HS3ST3A1: variants seen among roughly 807,000 people sequenced by gnomAD.
HS3ST3A1 encodes the protein heparan sulfate glucosamine 3-O-sulfotransferase 3A1.
HS3ST3A1 carries 19 observed loss-of-function variants against 25.7 expected under a neutral mutation model. The observed-to-expected ratio is 0.74, with a 90% CI of 0.52 to 1.08. The LOEUF (loss-of-function observed/expected upper bound fraction) is 1.08. Ranked by LOEUF, HS3ST3A1 falls within the 50% of genes least tolerant of loss-of-function variation. The probability of loss-of-function intolerance (pLI) is 0.00; values close to 1 mark genes in which losing one functional copy is unlikely to be tolerated. For synonymous variants in HS3ST3A1, 226 were observed against 278.6 expected, an observed-to-expected ratio of 0.81 and a Z score of 1.88; for missense variants, 459 against 594.3, an observed-to-expected ratio of 0.77 and a Z score of 2.37.
At chr17:13,570,466 C>T (rs1360201119) in intron 1 of HS3ST3A1, among the ~76,000 whole-genome samples, 2 of 152,140 alleles carry the variant, frequency 1.3e-5, no homozygotes, top group Non-Finnish European at 2.9e-5. Context: ...TGCTAGCATT[C>T]TAAGGTTATT....
At chr17:13,577,971 C>A (rs1171204227) in intron 1 of HS3ST3A1, among the ~76,000 whole-genome samples, 2 of 152,018 alleles carry the variant, frequency 1.3e-5, no homozygotes, top group South Asian at 2.1e-4. Context: ...GTATTTGATA[C>A]AACTTTTCCA....
intron 1 of HS3ST3A1, among the ~76,000 whole-genome samples, chr17:13,556,638 G>A (rs1395938323): frequency 6.6e-6 from 1 of 151,988 alleles, no homozygotes; most frequent in East Asian, 1.9e-4. Flanking sequence ...CGGATCACGA[G>A]GTCAGGAGTT....
intron 1 of HS3ST3A1, among the ~76,000 whole-genome samples, chr17:13,498,444 A>G (rs1295989743): frequency 1.3e-5 from 2 of 152,226 alleles, no homozygotes; most frequent in South Asian, 2.1e-4. Context: ...CAGGTCATAC[A>G]GATCGGAACT....
At position 13,495,067 on chromosome 17, in the gene HS3ST3A1, G is replaced by A. The variant is rs1905230663; in HGVS notation, c.*1130C>T. The stretch of plus-strand genomic sequence containing the variant: ...AGTGAGATATTACAAAGAAAGGTAG[G>A]TTTTCTCTCTTTAAAAAGAGGTAAA... On this transcript the variant is annotated 3_prime_UTR_variant, in exon 2 of 2. Coordinates refer to ENST00000284110, the MANE Select transcript of HS3ST3A1 (RefSeq NM_006042.3). Among the ~76,000 whole-genome samples, 1 of 151,920 alleles carries A rather than the reference G, an allele frequency of 6.6e-6. No individual in the cohort carries two copies. The highest frequency in any genetic ancestry group is 2.4e-5 in the African/African-American group (1 of 41,342).
chr17:13,601,298 GA>G lies in HS3ST3A1; in HGVS notation c.-170del. On this transcript the variant is annotated 5_prime_UTR_variant, in exon 1 of 2. Coordinates refer to ENST00000284110, the MANE Select transcript of HS3ST3A1 (RefSeq NM_006042.3). ...GAGGCAGCGGCCGGGGCTCCGCGGG[GA>G]AACGGAATCCCGGGGGCCCCGCGCA... 1.9e-6 allele frequency: 1 copy of G among 532,242 alleles called. No homozygotes were observed. Among genetic ancestry groups the G allele is most frequent in the South Asian group, 3.0e-5 (1 of 33,886 alleles). The allele number at this position is 532,242 out of a possible 1,614,324, so 33.0% of individuals were successfully genotyped here. A position where few individuals can be genotyped will look rare whatever the true frequency, so the allele number is the denominator to read the frequency against.
intron 1 of HS3ST3A1, among the ~76,000 whole-genome samples, chr17:13,547,943 CCA>C (rs368408465): frequency 0.22 from 18,360 of 83,414 alleles, 1,019 homozygotes; most frequent in African/African-American, 0.28. Context: ...TTGGTGTGAG[CCA>C]AAAAAAAAAA....
At chr17:13,549,422 A>T (rs1268045599) in intron 1 of HS3ST3A1, among the ~76,000 whole-genome samples, 2 of 152,238 alleles carry the variant, frequency 1.3e-5, no homozygotes, top group Non-Finnish European at 2.9e-5. Context: ...TAAATTCGGG[A>T]CACAATGTCA....
chr17:13,545,517 T>C lies in HS3ST3A1; in HGVS notation c.600-48699A>G, dbSNP rs142531795. On this transcript the variant is annotated intron_variant, in intron 1 of 1. Transcript: ENST00000284110. ...TCTCTCTGCATGGAAGAGGTTTGTG[T>C]ATCTTTTGTTACACTCCACTGGGCC... 2.3e-3 allele frequency among the ~76,000 whole-genome samples: 354 copies of C among 152,322 alleles called. 6 individuals carry two copies. The highest frequency in any genetic ancestry group is 8.2e-3 in the African/African-American group (341 of 41,578).
At chr17:13,501,424 T>C (rs888874425) in intron 1 of HS3ST3A1, among the ~76,000 whole-genome samples, 1 of 152,166 alleles carries the variant, frequency 6.6e-6, no homozygotes, top group African/African-American at 2.4e-5. Context: ...TTCAGTGGCA[T>C]TGATAGAAAT....
intron 1 of HS3ST3A1, among the ~76,000 whole-genome samples, chr17:13,497,972 C>T (rs1170557162): frequency 6.6e-6 from 1 of 152,116 alleles, no homozygotes. Context: ...TTTGTCCCAC[C>T]TACACTATCT....
intron 1 of HS3ST3A1, among the ~76,000 whole-genome samples, chr17:13,530,472 A>G (rs1906571455): frequency 6.6e-6 from 1 of 152,216 alleles, no homozygotes; most frequent in South Asian, 2.1e-4. Context: ...CAAGTTAGCC[A>G]GATGATAAGG....
intron 1 of HS3ST3A1, among the ~76,000 whole-genome samples, chr17:13,521,559 T>A (rs1463483189): frequency 6.6e-6 from 1 of 152,178 alleles, no homozygotes; most frequent in Non-Finnish European, 1.5e-5. Flanking sequence ...CATGGACACT[T>A]AGAGAGGCAT....
At chr17:13,594,414 G>C (rs1908519848) in intron 1 of HS3ST3A1, among the ~76,000 whole-genome samples, 1 of 152,184 alleles carries the variant, frequency 6.6e-6, no homozygotes, top group African/African-American at 2.4e-5. Flanking sequence ...CCCGTGTGTG[G>C]TGGACAGGAT....
At chr17:13,510,723 T>A (rs1598409440) in intron 1 of HS3ST3A1, among the ~76,000 whole-genome samples, 1 of 147,390 alleles carries the variant, frequency 6.8e-6, no homozygotes, top group Non-Finnish European at 1.5e-5. Context: ...TTTTTTTTTT[T>A]ATACGAAGTC....
At chr17:13,501,746 C>G (rs958679785) in intron 1 of HS3ST3A1, among the ~76,000 whole-genome samples, 1 of 152,212 alleles carries the variant, frequency 6.6e-6, no homozygotes, top group Non-Finnish European at 1.5e-5. Flanking sequence ...TGGAAGCACT[C>G]TTCTTAAGAA....
intron 1 of HS3ST3A1, among the ~76,000 whole-genome samples, chr17:13,501,564 AT>A (rs1205734839): frequency 6.6e-6 from 1 of 152,160 alleles, no homozygotes; most frequent in Non-Finnish European, 1.5e-5. Flanking sequence ...GATCTCAAAT[AT>A]AAAAACGAGG....
At chr17:13,538,201 T>C (rs1261834350) in intron 1 of HS3ST3A1, among the ~76,000 whole-genome samples, 3 of 152,248 alleles carry the variant, frequency 2.0e-5, no homozygotes, top group Admixed American at 2.0e-4. Flanking sequence ...AGAATGAAAT[T>C]CACCATGATA....
chr17:13,578,601 G>A (rs1908015632), intron 1 of HS3ST3A1, among the ~76,000 whole-genome samples: 1 of 151,562 alleles, frequency 6.6e-6, no homozygotes, highest in Non-Finnish European at 1.5e-5. Context: ...TTCCACAGTG[G>A]TGTCTGAAAA....
rs201190440 is a variant in HS3ST3A1, at chr17:13,591,676, T to G, written c.599+8855A>C. On this transcript the variant is annotated intron_variant, in intron 1 of 1. Transcript: ENST00000284110. ...TTTTCTTCTTCTTTTTTTTTTTTTTTGGGACAGAGTCTCACTCTGTTGCCC... is the reference window on the plus strand; with the variant it reads ...TTTTCTTCTTCTTTTTTTTTTTTTTGGGGACAGAGTCTCACTCTGTTGCCC... Among the ~76,000 whole-genome samples the G allele has an allele frequency of 8.7e-3, 1,229 of 141,426 alleles. 15 individuals carry two copies. The highest frequency in any genetic ancestry group is 0.027 in the African/African-American group (959 of 35,686). The allele number at this position is 141,426 out of a possible 152,430, so 92.8% of individuals were successfully genotyped here. A position where few individuals can be genotyped will look rare whatever the true frequency, so the allele number is the denominator to read the frequency against.
Sources: allele counts gnomAD v4.1 joint callset (sites outside exome capture counted in the v4.1 genomes callset), GRCh38; gene constraint gnomAD v4.1.1; transcripts MANE v1.5; gene names NCBI Gene and HGNC (gene_info 2026-07-23, HGNC 2026-07-21).